The following ZFAND1 variants were observed in gnomAD, a reference collection of about 807,000 sequenced individuals.
ZFAND1 encodes AN1-type zinc finger protein 1.
Under a neutral mutation model 38.5 loss-of-function variants are expected in ZFAND1, and 40 were observed. The observed-to-expected ratio is 1.04, with a 90% CI of 0.81 to 1.35. The LOEUF is 1.35. Among genes scored for constraint, ZFAND1 ranks in the 40% most tolerant of loss-of-function variants. The pLI, the probability that ZFAND1 is intolerant of heterozygous loss-of-function variation, is 0.00. For missense variants in ZFAND1, 346 were observed against 316.3 expected, an observed-to-expected ratio of 1.09 and a Z score of -0.71; for synonymous variants, 117 against 103.6, an observed-to-expected ratio of 1.13 and a Z score of -0.78.
chr8:81,718,516 G>A (rs1020173104), intron 1 of ZFAND1, among the ~76,000 whole-genome samples: 3 of 151,826 alleles, frequency 2.0e-5, no homozygotes, highest in Non-Finnish European at 2.9e-5. Context: ...TTTACTAGGT[G>A]TTGTTTTTGA....
chr8:81,717,950 T>C (rs1808364746), intron 2 of ZFAND1, among the ~76,000 whole-genome samples: 1 of 152,026 alleles, frequency 6.6e-6, no homozygotes, highest in Non-Finnish European at 1.5e-5. Context: ...CTCCTTGTAA[T>C]TAAAAGACAA....
intron 6 of ZFAND1, among the ~76,000 whole-genome samples, chr8:81,708,498 C>T (rs1808046673): frequency 6.6e-6 from 1 of 151,750 alleles, no homozygotes; most frequent in South Asian, 2.1e-4. Flanking sequence ...GTTGACCAAA[C>T]AAAATAAAAA....
At chr8:81,715,550 T>C (rs1478256508) in intron 3 of ZFAND1, among the ~76,000 whole-genome samples, 1 of 152,098 alleles carries the variant, frequency 6.6e-6, no homozygotes, top group Non-Finnish European at 1.5e-5. Context: ...AGATAAAAGG[T>C]TAAAGACGGT....
At chr8:81,715,160 A>T (rs58900840) in intron 3 of ZFAND1, 46 bp from the exon 4 acceptor site, 3 of 1,599,408 alleles carry the variant, frequency 1.9e-6, no homozygotes, top group Non-Finnish European at 2.6e-6. Flanking sequence ...CAGACCTAAA[A>T]CAAATCAATG....
At chr8:81,714,195 T>C (rs1431988052) in intron 5 of ZFAND1, 156 bp from the exon 6 acceptor site, 2 of 649,854 alleles carry the variant, frequency 3.1e-6, no homozygotes, top group Non-Finnish European at 4.8e-6. Flanking sequence ...TGTATTTACA[T>C]TGTCAATGGA....
intron 6 of ZFAND1, among the ~76,000 whole-genome samples, chr8:81,709,842 A>G (rs1438059012): frequency 2.6e-5 from 4 of 152,232 alleles, no homozygotes; most frequent in Non-Finnish European, 4.4e-5. Flanking sequence ...AGCTATGTTA[A>G]TAGAATGTTA....
intron 6 of ZFAND1, chr8:81,708,896 A>G (rs1585922721): frequency 1.2e-6 from 1 of 816,798 alleles, no homozygotes; most frequent in East Asian, 8.0e-5. Context: ...AAAAAACTAG[A>G]GCCACAAAAC....
At chr8:81,713,112 CGTTT>C (rs890903204) in intron 6 of ZFAND1, among the ~76,000 whole-genome samples, 4 of 118,148 alleles carry the variant, frequency 3.4e-5, no homozygotes, top group Non-Finnish European at 3.5e-5. Flanking sequence ...TTTGTTTGTT[CGTTT>C]GTTTGTTTTT....
chr8:81,718,828 T>C (rs1329443632), intron 1 of ZFAND1, among the ~76,000 whole-genome samples: 1 of 151,436 alleles, frequency 6.6e-6, no homozygotes, highest in East Asian at 1.9e-4. Flanking sequence ...ATGTAATATA[T>C]AGTACAGTTA....
intron 6 of ZFAND1, among the ~76,000 whole-genome samples, chr8:81,707,456 C>T (rs1808014502): frequency 6.6e-6 from 1 of 152,184 alleles, no homozygotes; most frequent in African/African-American, 2.4e-5. Context: ...CTCTCAGCTT[C>T]CACATTTTGC....
upstream of ZFAND1, chr8:81,721,302 C>T (rs1203091681): frequency 3.2e-6 from 5 of 1,546,586 alleles, no homozygotes; most frequent in Admixed American, 2.0e-5. Context: ...CCGTAAGGGG[C>T]GGGGCAAAGC....
intron 2 of ZFAND1, 137 bp downstream of exon 2, chr8:81,718,043 CAG>C (rs1338175139): frequency 1.8e-6 from 1 of 565,562 alleles, no homozygotes; most frequent in Non-Finnish European, 2.8e-6. Flanking sequence ...GAGAAGTAAT[CAG>C]AGTCTATAAC....
chr8:81,720,422 T>C (rs1808438359), intron 1 of ZFAND1, among the ~76,000 whole-genome samples: 1 of 152,204 alleles, frequency 6.6e-6, no homozygotes, highest in African/African-American at 2.4e-5. Flanking sequence ...CCTTATGTGG[T>C]CCAAGCACCA....
At position 81,714,054 on chromosome 8, in the gene ZFAND1, C is replaced by T. The variant is rs1563608336; in HGVS notation, c.359-15G>A. 1 of 1,573,714 alleles carries T rather than the reference C, an allele frequency of 6.4e-7. No individual in the cohort carries two copies. Among genetic ancestry groups the T allele is most frequent in the Non-Finnish European group, 8.6e-7 (1 of 1,165,558 alleles). Reference sequence around the variant, plus strand: ...TGTCTTGGAATCTAAGAAGTGTAAGCATGTAATCACATAAAACTTTCACAT... The same window carrying T: ...TGTCTTGGAATCTAAGAAGTGTAAGTATGTAATCACATAAAACTTTCACAT... On this transcript the variant is annotated splice_polypyrimidine_tract_variant and intron_variant, in intron 5 of 7. Transcript: ENST00000220669.
At chr8:81,712,092 A>G (rs1231762634) in intron 6 of ZFAND1, among the ~76,000 whole-genome samples, 3 of 152,190 alleles carry the variant, frequency 2.0e-5, no homozygotes, top group Non-Finnish European at 4.4e-5. Context: ...TTGATGATCT[A>G]ACGACAGAAA....
In ZFAND1 at chr8:81,721,264, G is replaced by A. The variant is rs753997183; in HGVS notation, c.18C>T (p.Ile6=). ...AATGCTCCACCTGGCAGTGCTGCCC[G>A]ATGTCCAACTCCGCCATCTCTCCGG... is the stretch of plus-strand genomic sequence containing the variant. MAELD[I]GQHCQVEHCR... Residue 6 remains isoleucine (I), a synonymous_variant, in exon 1 of 8, where the codon ATC becomes ATT. Coordinates refer to ENST00000220669, the MANE Select transcript of ZFAND1 (RefSeq NM_024699.3). The A allele has an allele frequency of 1.3e-6, 2 of 1,549,268 alleles. No individual in the cohort carries two copies. The highest frequency in any genetic ancestry group is 8.7e-7 in the Non-Finnish European group (1 of 1,147,164).
chr8:81,719,704 T>C (rs375405537), intron 1 of ZFAND1, among the ~76,000 whole-genome samples: 2 of 152,308 alleles, frequency 1.3e-5, no homozygotes, highest in African/African-American at 4.8e-5. Flanking sequence ...ATTTAGGATA[T>C]ACACTTGACG....
chr8:81,716,415 G>A (rs1808312934), intron 3 of ZFAND1, among the ~76,000 whole-genome samples: 1 of 152,156 alleles, frequency 6.6e-6, no homozygotes, highest in African/African-American at 2.4e-5. Flanking sequence ...CCAGTAATAA[G>A]GGTAATATTT....
chr8:81,703,372 CT>C (rs1219096971), intron 6 of ZFAND1, among the ~76,000 whole-genome samples: 2 of 152,102 alleles, frequency 1.3e-5, no homozygotes, highest in African/African-American at 4.8e-5. Context: ...AGATCTGTTC[CT>C]GGGATTTTAT....
Sources: allele counts gnomAD v4.1 joint callset (sites outside exome capture counted in the v4.1 genomes callset), GRCh38; gene constraint gnomAD v4.1.1; transcripts MANE v1.5; gene names NCBI Gene and HGNC (gene_info 2026-07-23, HGNC 2026-07-21).